The following RBPJ variants were observed in gnomAD, a reference collection of about 807,000 sequenced individuals.
RBPJ encodes recombining binding protein suppressor of hairless.
A neutral mutation model predicts 67.8 loss-of-function variants in RBPJ; 9 were observed. The observed-to-expected ratio is 0.13, with a 90% CI of 0.08 to 0.23. The LOEUF is 0.23. Ranked by LOEUF, RBPJ falls within the 10% of genes least tolerant of loss-of-function variation. The pLI is 1.00. For synonymous variants in RBPJ, 198 were observed against 203.3 expected (o/e 0.97, Z 0.22); for missense variants, 305 against 595.6 (o/e 0.51, Z 5.08).
intron 1 of RBPJ, chr4:26,321,889 T>C (rs1380117852): frequency 1.3e-5 from 2 of 152,340 alleles, no homozygotes; most frequent in African/African-American, 2.4e-5. Flanking sequence ...GTTTTGTGGG[T>C]CTGAAAGATG....
chr4:26,272,506 G>A, intron 1 of RBPJ: 1 of 323,500 alleles, frequency 3.1e-6, no homozygotes, highest in Non-Finnish European at 6.0e-6. Flanking sequence ...AGAAGTTCAA[G>A]GCTGCAATGA....
At chr4:26,184,181 C>CAAAAAA (rs150415692) in intron 1 of RBPJ, among the ~76,000 whole-genome samples, 1 of 89,852 alleles carries the variant, frequency 1.1e-5, no homozygotes, top group African/African-American at 3.7e-5. Context: ...GACTTCATCT[C>CAAAAAA]AAAAAAAAAA....
intron 1 of RBPJ, among the ~76,000 whole-genome samples, chr4:26,382,233 T>C (rs900227974): frequency 6.6e-6 from 1 of 152,204 alleles, no homozygotes; most frequent in East Asian, 1.9e-4. Flanking sequence ...TATCCCTACT[T>C]CAAGATGGAG....
upstream of RBPJ, among the ~76,000 whole-genome samples, chr4:26,316,982 T>C (rs1722673822): frequency 6.6e-6 from 1 of 151,366 alleles, no homozygotes; most frequent in Admixed American, 6.6e-5. Flanking sequence ...GAATCATTTT[T>C]ACTCTGCCCT....
At chr4:26,252,066 AC>A in intron 1 of RBPJ, among the ~76,000 whole-genome samples, 1 of 150,742 alleles carries the variant, frequency 6.6e-6, no homozygotes, top group South Asian at 2.1e-4. Context: ...AAAAACTATA[AC>A]AAGTTTTAAC....
intron 1 of RBPJ, among the ~76,000 whole-genome samples, chr4:26,247,303 G>T (rs1255368351): frequency 6.6e-6 from 1 of 151,868 alleles, no homozygotes; most frequent in Non-Finnish European, 1.5e-5. Flanking sequence ...TATGATTTGG[G>T]TATGTGTCTC....
At chr4:26,307,440 A>G (rs145026150) in intron 1 of RBPJ, among the ~76,000 whole-genome samples, 118 of 152,208 alleles carry the variant, frequency 7.8e-4, no homozygotes, top group African/African-American at 2.8e-3. Context: ...TCTGTGTTTC[A>G]TTGCTTATTT....
chr4:26,263,926 G>A (rs1720628188), intron 1 of RBPJ, among the ~76,000 whole-genome samples: 1 of 149,548 alleles, frequency 6.7e-6, no homozygotes. Context: ...CCAGGTTGGA[G>A]TGCAGCCGTG....
intron 1 of RBPJ, among the ~76,000 whole-genome samples, chr4:26,165,873 C>T (rs1045032551): frequency 7.6e-6 from 1 of 131,368 alleles, no homozygotes; most frequent in Non-Finnish European, 1.6e-5. Context: ...CCCCTCCCCC[C>T]ACCCCACAAC....
chr4:26,316,072 G>A (rs969339434), upstream of RBPJ, among the ~76,000 whole-genome samples: 17 of 151,956 alleles, frequency 1.1e-4, no homozygotes, highest in Non-Finnish European at 1.6e-4. Flanking sequence ...CTGAGGTGAC[G>A]TACATCCTCA....
chr4:26,373,915 CTTTTTTTTT>C (rs765161799), intron 1 of RBPJ, among the ~76,000 whole-genome samples: 2 of 113,292 alleles, frequency 1.8e-5, no homozygotes, highest in South Asian at 2.9e-4. Context: ...TTATTTTTTA[CTTTTTTTTT>C]TTTTTTTTTT....
chr4:26,244,243 A>G (rs1246249197), intron 1 of RBPJ, among the ~76,000 whole-genome samples: 1 of 21,622 alleles, frequency 4.6e-5, no homozygotes. Context: ...GTGTCTATAT[A>G]TGTGTACACA....
chr4:26,300,364 TTAAC>T (rs1488484402), intron 1 of RBPJ, among the ~76,000 whole-genome samples: 1 of 152,194 alleles, frequency 6.6e-6, no homozygotes, highest in Non-Finnish European at 1.5e-5. Flanking sequence ...AATCTAGACT[TTAAC>T]TAAAGGAAGG....
At chr4:26,131,122 G>T in the RBPJ span, among the ~76,000 whole-genome samples, 1 of 152,158 alleles carries the variant, frequency 6.6e-6, no homozygotes, top group Non-Finnish European at 1.5e-5. Flanking sequence ...TATCAGAAAC[G>T]CATCATTTAC....
At chr4:26,232,419 T>C (rs937636090) in intron 1 of RBPJ, among the ~76,000 whole-genome samples, 3 of 152,104 alleles carry the variant, frequency 2.0e-5, no homozygotes, top group African/African-American at 7.2e-5. Context: ...AATTACTTTT[T>C]GTAGAGACAG....
chr4:26,315,144 CAA>C (rs60940172), upstream of RBPJ, among the ~76,000 whole-genome samples: 137 of 10,304 alleles, frequency 0.013, no homozygotes, highest in Middle Eastern at 0.056. Flanking sequence ...GTCTCTGTCT[CAA>C]AAAAAAAAAA....
chr4:26,310,919 C>T (rs1722410182), intron 1 of RBPJ, among the ~76,000 whole-genome samples: 1 of 152,204 alleles, frequency 6.6e-6, no homozygotes, highest in Non-Finnish European at 1.5e-5. Flanking sequence ...ATCCGCCCGC[C>T]TCAGCGTCCC....
intron 1 of RBPJ, among the ~76,000 whole-genome samples, chr4:26,323,556 A>T (rs1008326380): frequency 3.3e-5 from 5 of 152,192 alleles, no homozygotes; most frequent in African/African-American, 9.7e-5. Flanking sequence ...AAATTTTATT[A>T]TCCATGCATA....
intron 1 of RBPJ, among the ~76,000 whole-genome samples, chr4:26,307,245 A>C (rs1722268275): frequency 6.6e-6 from 1 of 152,226 alleles, no homozygotes. Flanking sequence ...GCAGACTCAT[A>C]GTTACCGTCA....
Sources: gnomAD v4.1 joint callset for allele counts (sites outside exome capture counted in the v4.1 genomes callset) on GRCh38, gnomAD v4.1.1 for gene constraint, MANE v1.5 for transcripts, NCBI Gene and HGNC (gene_info 2026-07-23, HGNC 2026-07-21) for gene names.